Variants in C2orf74 observed in about 807,000 individuals in gnomAD.
C2orf74 encodes the protein uncharacterized protein C2orf74.
Under a neutral mutation model 17.9 loss-of-function variants are expected in C2orf74, and 14 were observed. The ratio of observed to expected loss-of-function variants is 0.78; its 90% CI spans 0.52 to 1.22. The LOEUF (loss-of-function observed/expected upper bound fraction) is 1.22, where lower values mean the gene tolerates loss of function less well. Ranked by LOEUF, C2orf74 falls within the 50% of genes most tolerant of loss-of-function variation. The pLI, the probability that C2orf74 is intolerant of heterozygous loss-of-function variation, is 0.00. For missense variants in C2orf74, 217 were observed against 218.4 expected (o/e 0.99, Z 0.04); for synonymous variants, 79 against 72.6 (o/e 1.09, Z -0.44).
At chr2:61,153,149 C>CAAA (rs1166347493) in intron 1 of C2orf74, among the ~76,000 whole-genome samples, 11 of 56,176 alleles carry the variant, frequency 2.0e-4, no homozygotes, top group South Asian at 6.0e-4. Flanking sequence ...ACTCCGTCTC[C>CAAA]AAAAAAAAAA....
At chr2:61,156,864 A>G (rs1685406649) in intron 1 of C2orf74, among the ~76,000 whole-genome samples, 1 of 152,186 alleles carries the variant, frequency 6.6e-6, no homozygotes, top group South Asian at 2.1e-4. Context: ...TGGGTGACAA[A>G]GTGAGACCCT....
At chr2:61,161,850 A>G (rs1685571856), upstream of C2orf74, 1 of 152,388 alleles carries the variant, frequency 6.6e-6, no homozygotes, top group African/African-American at 2.4e-5. Flanking sequence ...GCTCAGGGCT[A>G]TAGAGAGGGA....
At chr2:61,155,559 C>T (rs2103625936) in intron 1 of C2orf74, among the ~76,000 whole-genome samples, 2 of 152,146 alleles carry the variant, frequency 1.3e-5, no homozygotes, top group Non-Finnish European at 2.9e-5. Context: ...CTGGCTCTGT[C>T]CCCCAGGCTG....
chr2:61,162,057 T>G (rs1685577362), upstream of C2orf74: 1 of 162,252 alleles, frequency 6.2e-6, no homozygotes, highest in Non-Finnish European at 1.3e-5. Context: ...AACAGCCTCG[T>G]GGTTCTCCAG....
chr2:61,159,326 T>C (rs1225062249), upstream of C2orf74: 6 of 384,692 alleles, frequency 1.6e-5, no homozygotes, highest in Non-Finnish European at 2.0e-5. Context: ...AGATGGAGTC[T>C]CGCTCTGTTG....
At chr2:61,162,652 A>G (rs1685597152) in intron 2 of C2orf74, 43 bp downstream of exon 2, 2 of 1,251,734 alleles carry the variant, frequency 1.6e-6, no homozygotes, top group South Asian at 1.3e-5. Flanking sequence ...TTCAAGTCAC[A>G]TTAGCAAATG....
chr2:61,158,980 GTTGTTTGT>G (rs147042505), upstream of C2orf74, among the ~76,000 whole-genome samples: 4,721 of 150,202 alleles, frequency 0.031, 208 homozygotes, highest in African/African-American at 0.095. Flanking sequence ...GTTTTTTTTT[GTTGTTTGT>G]TTGTTTGTTT....
chr2:61,157,187 C>T (rs1288820684), intron 1 of C2orf74, among the ~76,000 whole-genome samples: 2 of 152,190 alleles, frequency 1.3e-5, no homozygotes, highest in East Asian at 1.9e-4. Context: ...TTTACAGGCC[C>T]ACGCCACCAC....
At chr2:61,148,607 T>C (rs918349774) in intron 1 of C2orf74, among the ~76,000 whole-genome samples, 9 of 152,260 alleles carry the variant, frequency 5.9e-5, no homozygotes, top group Non-Finnish European at 1.0e-4. Flanking sequence ...GATATCCTCT[T>C]GCGTGAAATG....
chr2:61,156,364 T>A (rs1004610703), intron 1 of C2orf74, among the ~76,000 whole-genome samples: 15 of 151,070 alleles, frequency 9.9e-5, no homozygotes, highest in Non-Finnish European at 1.3e-4. Context: ...ATGGCAAAAC[T>A]CTGTCTCTTT....
At chr2:61,159,919 C>T (rs1286309444), upstream of C2orf74, among the ~76,000 whole-genome samples, 1 of 152,122 alleles carries the variant, frequency 6.6e-6, no homozygotes, top group East Asian at 1.9e-4. Flanking sequence ...CACTGTCTGC[C>T]TCCAGAACTT....
chr2:61,158,040 C>A (rs961916883), upstream of C2orf74: 2 of 470,516 alleles, frequency 4.3e-6, no homozygotes, highest in Non-Finnish European at 8.8e-6. Context: ...ACTGCTTATT[C>A]TGTATGGAAG....
intron 1 of C2orf74, among the ~76,000 whole-genome samples, chr2:61,147,879 T>C (rs1685115587): frequency 6.6e-6 from 1 of 151,892 alleles, no homozygotes; most frequent in South Asian, 2.1e-4. Context: ...GCAATTCTCC[T>C]GCCTCATCCT....
chr2:61,156,250 A>G (rs958164979), intron 1 of C2orf74, among the ~76,000 whole-genome samples: 1 of 152,054 alleles, frequency 6.6e-6, no homozygotes, highest in Non-Finnish European at 1.5e-5. Context: ...AGAAGTTAAA[A>G]TAATCAGCTG....
chr2:61,163,332 G>T, intron 4 of C2orf74, 100 bp downstream of exon 4: 3 of 1,323,858 alleles, frequency 2.3e-6, no homozygotes, highest in Non-Finnish European at 3.1e-6. Flanking sequence ...ATGGAGGACC[G>T]GGCGGGTGGC....
In C2orf74 at chr2:61,164,570, C is replaced by T; in HGVS notation, c.*43C>T. The T allele has an allele frequency of 7.1e-7, 1 of 1,417,668 alleles. No homozygotes were observed. Among genetic ancestry groups the T allele is most frequent in the Non-Finnish European group, 9.3e-7 (1 of 1,072,858 alleles). 87.8% of individuals were successfully genotyped at this position (1,417,668 alleles called of 1,614,324 possible). ...GAGTGAAAGAAAATGTAACGTTTGA[C>T]TAACGTTGAAAGACTGAGGGTACAA... On this transcript the variant is annotated 3_prime_UTR_variant, in exon 5 of 5. Transcript: ENST00000432605.
At chr2:61,147,780 T>G (rs1685113175) in intron 1 of C2orf74, among the ~76,000 whole-genome samples, 2 of 152,186 alleles carry the variant, frequency 1.3e-5, no homozygotes, top group South Asian at 4.1e-4. Flanking sequence ...GTTTTTTGTT[T>G]GTTTTGAGAC....
intron 1 of C2orf74, among the ~76,000 whole-genome samples, chr2:61,156,044 A>T (rs529527491): frequency 6.6e-6 from 1 of 151,900 alleles, no homozygotes; most frequent in African/African-American, 2.4e-5. Context: ...CAAAAAAATT[A>T]AAAAATTAGC....
chr2:61,163,092 C>T lies in C2orf74; in HGVS notation c.250C>T (p.Pro84Ser), dbSNP rs1401319534. Residue 84 changes from proline (P) to serine (S), a missense_variant, in exon 4 of 5, where the codon CCT becomes TCT. By Grantham distance (74) the Pro-to-Ser change is moderately conservative. Transcript: ENST00000432605. ...QVMNLNVPMR[P>S]GILVQRQSKE... ...CATGAACTTGAATGTGCCGATGAGG[C>T]CTGGCATTCTTGTCCAGAGACAGAG... 25 of 1,552,004 alleles carry T rather than the reference C, an allele frequency of 1.6e-5. No homozygotes were observed. Among genetic ancestry groups the T allele is most frequent in the Non-Finnish European group, 2.1e-5 (24 of 1,147,070 alleles).
Sources: gnomAD v4.1 joint callset for allele counts (sites outside exome capture counted in the v4.1 genomes callset) on GRCh38, gnomAD v4.1.1 for gene constraint, MANE v1.5 for transcripts, NCBI Gene and HGNC (gene_info 2026-07-23, HGNC 2026-07-21) for gene names.